Variants in LCLAT1 observed in about 807,000 individuals in gnomAD.
LCLAT1 encodes the protein 1-AGP acyltransferase 8.
In LCLAT1, 11 loss-of-function variants were observed where a neutral mutation model predicts 30.7. The ratio of observed to expected loss-of-function variants is 0.36; its 90% CI spans 0.23 to 0.59. The LOEUF (loss-of-function observed/expected upper bound fraction) is 0.59, where lower values mean the gene tolerates loss of function less well. Among genes scored for constraint, LCLAT1 ranks in the 20% least tolerant of loss-of-function variants. The pLI is 0.77. For missense variants in LCLAT1, 402 were observed against 458.6 expected (o/e 0.88, Z 1.13); for synonymous variants, 155 against 151.3 (o/e 1.02, Z -0.18).
At chr2:30,571,709 A>G (rs1665788660) in intron 5 of LCLAT1, among the ~76,000 whole-genome samples, 2 of 152,204 alleles carry the variant, frequency 1.3e-5, no homozygotes. Context: ...TGGGTGCATT[A>G]TATATCATGC....
At chr2:30,489,653 C>G (rs763276286) in intron 1 of LCLAT1, among the ~76,000 whole-genome samples, 2 of 152,182 alleles carry the variant, frequency 1.3e-5, no homozygotes, top group Non-Finnish European at 2.9e-5. Context: ...GCCCAGCCCA[C>G]AGTTATCTTA....
At chr2:30,460,642 T>C (rs1011871027) in intron 1 of LCLAT1, among the ~76,000 whole-genome samples, 5 of 152,220 alleles carry the variant, frequency 3.3e-5, no homozygotes, top group African/African-American at 1.2e-4. Flanking sequence ...GTATCTTTTG[T>C]TATTCATAAC....
At chr2:30,538,194 A>G (rs1663897236) in intron 3 of LCLAT1, among the ~76,000 whole-genome samples, 1 of 152,192 alleles carries the variant, frequency 6.6e-6, no homozygotes, top group Non-Finnish European at 1.5e-5. Flanking sequence ...AACCAAACTG[A>G]AAATTAGCAA....
chr2:30,542,472 A>G (rs1347560619), intron 3 of LCLAT1, among the ~76,000 whole-genome samples: 1 of 151,996 alleles, frequency 6.6e-6, no homozygotes, highest in Non-Finnish European at 1.5e-5. Context: ...TTTGAAAATT[A>G]TTTGTCCGGT....
intron 1 of LCLAT1, among the ~76,000 whole-genome samples, chr2:30,500,687 T>C (rs1386453502): frequency 6.6e-6 from 1 of 152,216 alleles, no homozygotes; most frequent in African/African-American, 2.4e-5. Flanking sequence ...GAAGAACCGA[T>C]TGTAAGAGGG....
intron 5 of LCLAT1, chr2:30,607,796 G>A (rs1213901142): frequency 6.6e-6 from 1 of 151,790 alleles, no homozygotes; most frequent in Non-Finnish European, 1.5e-5. Context: ...GACAAGATGT[G>A]GAGGTGAAGA....
At position 30,467,443 on chromosome 2, in the gene LCLAT1, G is replaced by A. The variant is rs560859613; in HGVS notation, c.-5+20060G>A. On this transcript the variant is annotated intron_variant, in intron 1 of 5. Transcript: ENST00000379509. The stretch of plus-strand genomic sequence containing the variant: ...AGCAGCATGATTTATAATCCTTTGG[G>A]TATATACCCAGTAATGGGATGGCTG... Among the ~76,000 whole-genome samples, 32 of 152,334 alleles carry A rather than the reference G, an allele frequency of 2.1e-4. No homozygotes were observed. In the East Asian group the frequency reaches 5.6e-3, roughly 27 times the overall value.
chr2:30,551,512 T>TA (rs1664677267), intron 3 of LCLAT1, among the ~76,000 whole-genome samples: 1 of 152,212 alleles, frequency 6.6e-6, no homozygotes, highest in Non-Finnish European at 1.5e-5. Context: ...TCTAGGCACT[T>TA]ACTATGCTCT....
chr2:30,538,369 G>A (rs893041890), intron 3 of LCLAT1, among the ~76,000 whole-genome samples: 53 of 152,240 alleles, frequency 3.5e-4, no homozygotes, highest in African/African-American at 1.2e-3. Flanking sequence ...AGAAAATTAG[G>A]CCAGGTGCAG....
chr2:30,453,124 A>G (rs968610753), intron 1 of LCLAT1, among the ~76,000 whole-genome samples: 3 of 152,192 alleles, frequency 2.0e-5, no homozygotes, highest in African/African-American at 7.2e-5. Flanking sequence ...AAGAGACCAC[A>G]TCTGTTTTAT....
chr2:30,570,769 G>A (rs371139052), intron 5 of LCLAT1, among the ~76,000 whole-genome samples: 13 of 152,310 alleles, frequency 8.5e-5, no homozygotes, highest in Middle Eastern at 3.4e-3. Flanking sequence ...GCCAGAACAC[G>A]GAGAGATGGT....
chr2:30,601,419 A>G (rs1667178754), intron 5 of LCLAT1, among the ~76,000 whole-genome samples: 1 of 150,166 alleles, frequency 6.7e-6, no homozygotes, highest in African/African-American at 2.5e-5. Context: ...CCATTTTTCA[A>G]CACTAAGTAA....
intron 1 of LCLAT1, among the ~76,000 whole-genome samples, chr2:30,483,873 C>T (rs1344508108): frequency 1.3e-5 from 2 of 152,082 alleles, no homozygotes; most frequent in African/African-American, 4.8e-5. Context: ...AATTAGGAGA[C>T]CTGACTTTTA....
chr2:30,636,842 A>C (rs772677033), intron 5 of LCLAT1, among the ~76,000 whole-genome samples: 1 of 152,190 alleles, frequency 6.6e-6, no homozygotes, highest in African/African-American at 2.4e-5. Context: ...CATGTGAATG[A>C]GCTGTTCCTA....
chr2:30,462,126 A>G (rs1682179794), intron 1 of LCLAT1, among the ~76,000 whole-genome samples: 1 of 152,102 alleles, frequency 6.6e-6, no homozygotes, highest in Non-Finnish European at 1.5e-5. Context: ...GTTACTCTCC[A>G]TTACTGTAGG....
At chr2:30,591,590 G>A (rs976269430) in intron 5 of LCLAT1, among the ~76,000 whole-genome samples, 1 of 152,076 alleles carries the variant, frequency 6.6e-6, no homozygotes. Context: ...CATGTTATGT[G>A]TGTTATATTA....
intron 1 of LCLAT1, among the ~76,000 whole-genome samples, chr2:30,452,978 AGCT>A (rs1681633889): frequency 6.6e-6 from 1 of 152,186 alleles, no homozygotes; most frequent in Non-Finnish European, 1.5e-5. Context: ...ACAGAGGATT[AGCT>A]GCCTTGTCTG....
At chr2:30,523,434 T>C in intron 1 of LCLAT1, among the ~76,000 whole-genome samples, 1 of 152,168 alleles carries the variant, frequency 6.6e-6, no homozygotes, top group African/African-American at 2.4e-5. Flanking sequence ...CAGTGGCCTT[T>C]TTCTCTACCA....
intron 1 of LCLAT1, among the ~76,000 whole-genome samples, chr2:30,504,194 A>ATT (rs1684547905): frequency 6.6e-6 from 1 of 152,134 alleles, no homozygotes; most frequent in South Asian, 2.1e-4. Context: ...CATTACATAT[A>ATT]TAACATATTA....
Sources: gnomAD v4.1 joint callset for allele counts (sites outside exome capture counted in the v4.1 genomes callset) on GRCh38, gnomAD v4.1.1 for gene constraint, MANE v1.5 for transcripts, NCBI Gene and HGNC (gene_info 2026-07-23, HGNC 2026-07-21) for gene names.